Variants in SYNE3 observed in about 807,000 individuals in gnomAD.
SYNE3 encodes spectrin repeat containing nuclear envelope family member 3, also known as nesprin-3.
A neutral mutation model predicts 111.2 loss-of-function variants in SYNE3; 100 were observed. The ratio of observed to expected loss-of-function variants is 0.90; its 90% confidence interval spans 0.77 to 1.06. The LOEUF (loss-of-function observed/expected upper bound fraction) is 1.06. Ranked by LOEUF, SYNE3 falls within the 50% of genes least tolerant of loss-of-function variation. The probability of loss-of-function intolerance (pLI) is 0.00; values close to 1 mark genes in which losing one functional copy is unlikely to be tolerated. For synonymous variants in SYNE3, 547 were observed against 533.9 expected (o/e 1.02, Z -0.34); for missense variants, 1,160 against 1,240.3 (o/e 0.94, Z 0.97).
intron 16 of SYNE3, among the ~76,000 whole-genome samples, 200 bp from the exon 17 acceptor site, chr14:95,432,317 A>T (rs890310975): frequency 6.6e-6 from 1 of 152,188 alleles, no homozygotes; most frequent in African/African-American, 2.4e-5. Context: ...CCCAGCTGGG[A>T]TTCTGTCTGG....
At chr14:95,468,868 C>T (rs1888351721) in intron 2 of SYNE3, among the ~76,000 whole-genome samples, 1 of 152,154 alleles carries the variant, frequency 6.6e-6, no homozygotes, top group South Asian at 2.1e-4. Context: ...ATTGCTGTTA[C>T]TATTGCAGTT....
intron 1 of SYNE3, among the ~76,000 whole-genome samples, chr14:95,508,727 C>A (rs1167282978): frequency 6.6e-6 from 1 of 151,924 alleles, no homozygotes; most frequent in Non-Finnish European, 1.5e-5. Context: ...GATGTGAGTC[C>A]CAGGGACGCC....
chr14:95,468,366 T>C (rs1028119788), intron 2 of SYNE3, among the ~76,000 whole-genome samples: 1 of 152,224 alleles, frequency 6.6e-6, no homozygotes, highest in African/African-American at 2.4e-5. Flanking sequence ...GGTACATGTT[T>C]CAGTGTGCAG....
intron 1 of SYNE3, among the ~76,000 whole-genome samples, chr14:95,515,010 T>C (rs981143582): frequency 3.9e-5 from 6 of 152,214 alleles, no homozygotes; most frequent in Non-Finnish European, 7.3e-5. Flanking sequence ...CAACTCACTC[T>C]GAAGTGTACC....
intron 1 of SYNE3, among the ~76,000 whole-genome samples, chr14:95,504,812 C>G (rs544954665): frequency 2.8e-5 from 4 of 143,838 alleles, no homozygotes; most frequent in Non-Finnish European, 4.5e-5. Context: ...AAGACTCCAC[C>G]TCTATCTAAA....
chr14:95,422,715 G>A lies in SYNE3; in HGVS notation c.2728-4689C>T, dbSNP rs562291669. Among the ~76,000 whole-genome samples the A allele has an allele frequency of 1.1e-4, 16 of 152,318 alleles. No individual in the cohort carries two copies. The South Asian group carries it at 2.5e-3, about 24-fold the overall frequency. On this transcript the variant is annotated intron_variant, in intron 17 of 17. Coordinates refer to ENST00000682763, the MANE Select transcript of SYNE3 (RefSeq NM_152592.6). ...GTGGGACGGTGGGAGGAGGCCCACTGAGCCAGCTGCTCTCTGGCATGGAGG... is the reference window on the plus strand; with the variant it reads ...GTGGGACGGTGGGAGGAGGCCCACTAAGCCAGCTGCTCTCTGGCATGGAGG...
At chr14:95,482,474 A>C (rs1413187486) in intron 1 of SYNE3, among the ~76,000 whole-genome samples, 1 of 152,164 alleles carries the variant, frequency 6.6e-6, no homozygotes, top group Non-Finnish European at 1.5e-5. Context: ...ATTTGAAAAC[A>C]CTAATTCTTG....
At chr14:95,481,587 A>G (rs2144813) in intron 1 of SYNE3, among the ~76,000 whole-genome samples, 76,233 of 152,054 alleles carry the variant, frequency 0.5, 19,377 homozygotes, top group African/African-American at 0.59. Flanking sequence ...CTGTCAGAGA[A>G]ACCCCCAGCC....
intron 1 of SYNE3, among the ~76,000 whole-genome samples, chr14:95,506,704 T>C (rs555883159): frequency 6.6e-6 from 1 of 152,272 alleles, no homozygotes; most frequent in African/African-American, 2.4e-5. Flanking sequence ...GGGAATCCAT[T>C]GGAACGGGCG....
rs929364034 is a variant in SYNE3 at position 95,409,148 on chromosome 14, T to C, written c.*8678A>G. ...CAACTGAGGCCCAGGGAACATTCCA[T>C]AGAGTGGAGCACTGGGCTCGGAGCC... On this transcript the variant is annotated 3_prime_UTR_variant, in exon 18 of 18. Coordinates refer to ENST00000682763, the MANE Select transcript of SYNE3 (RefSeq NM_152592.6). The C allele has an allele frequency of 2.4e-5, 11 of 456,588 alleles. No individual in the cohort carries two copies. The highest frequency in any genetic ancestry group is 2.1e-4 in the East Asian group (3 of 14,406). 28.3% of individuals were successfully genotyped at this position (456,588 alleles called of 1,614,324 possible).
intron 4 of SYNE3, 67 bp downstream of exon 4, chr14:95,465,864 A>C: frequency 6.8e-7 from 1 of 1,471,872 alleles, no homozygotes; most frequent in Non-Finnish European, 9.1e-7. Flanking sequence ...AGTGGCTGGA[A>C]TGGGTAGATA....
intron 16 of SYNE3, among the ~76,000 whole-genome samples, chr14:95,433,008 A>G (rs1350279971): frequency 6.6e-6 from 1 of 152,124 alleles, no homozygotes; most frequent in Admixed American, 6.5e-5. Flanking sequence ...CACTCCTTAC[A>G]CATTAATTAT....
rs1595213834 is a variant in SYNE3, at chr14:95,457,300, A to G, written c.666T>C (p.His222=). 2 of 1,606,022 alleles carry G rather than the reference A, an allele frequency of 1.2e-6. No homozygotes were observed. ...VDLLEQVARE[H]EEYQAGVDEF... The stretch of plus-strand genomic sequence containing the variant: ...CGTCCACACCTGCCTGGTACTCCTC[A>G]TGCTCCCGGGCCACCTGCTCCAGCA... The change falls in exon 5 of 18, where the codon CAT becomes CAC. Residue 222 remains histidine (H), a synonymous_variant. Transcript: ENST00000682763.
chr14:95,499,598 C>T (rs1040616657), intron 1 of SYNE3, among the ~76,000 whole-genome samples: 1 of 152,172 alleles, frequency 6.6e-6, no homozygotes, highest in Non-Finnish European at 1.5e-5. Context: ...TATTTGTACA[C>T]ATCAGCTCAT....
At chr14:95,433,927 A>G (rs1595184982) in intron 15 of SYNE3, among the ~76,000 whole-genome samples, 1 of 152,004 alleles carries the variant, frequency 6.6e-6, no homozygotes, top group East Asian at 1.9e-4. Flanking sequence ...CTGGCTTTGG[A>G]TCCTGGCTCT....
At chr14:95,444,753 C>G in intron 9 of SYNE3, 125 bp from the exon 10 acceptor site, 1 of 1,246,296 alleles carries the variant, frequency 8.0e-7, no homozygotes, top group South Asian at 1.7e-5. Flanking sequence ...AGGCGCCACC[C>G]CCTCCAGGAA....
rs865805492 is a variant in SYNE3 at position 95,409,126 on chromosome 14, C to G, written c.*8700G>C. ...CGGCCTGCAAAGGAAAGGAAAGCAA[C>G]TGAGGCCCAGGGAACATTCCATAGA... On this transcript the variant is annotated 3_prime_UTR_variant, in exon 18 of 18. Coordinates refer to ENST00000682763, the MANE Select transcript of SYNE3 (RefSeq NM_152592.6). The G allele has an allele frequency of 2.2e-6, 1 of 456,076 alleles. No individual in the cohort carries two copies. The highest frequency in any genetic ancestry group is 1.5e-5 in the South Asian group (1 of 64,556). 28.3% of individuals were successfully genotyped at this position (456,076 alleles called of 1,614,324 possible). A position where few individuals can be genotyped will look rare whatever the true frequency, so the allele number is the denominator to read the frequency against.
chr14:95,422,450 A>C (rs967675589), intron 17 of SYNE3, among the ~76,000 whole-genome samples: 3 of 152,178 alleles, frequency 2.0e-5, no homozygotes, highest in Admixed American at 1.3e-4. Context: ...GTCACTCCAG[A>C]GCCCAGGCTC....
chr14:95,465,592 G>A (rs895318601), intron 4 of SYNE3, among the ~76,000 whole-genome samples: 1 of 152,158 alleles, frequency 6.6e-6, no homozygotes, highest in African/African-American at 2.4e-5. Context: ...AGATTGATCA[G>A]GCTGGTGGGG....
Sources: allele counts gnomAD v4.1 joint callset (sites outside exome capture counted in the v4.1 genomes callset), GRCh38; gene constraint gnomAD v4.1.1; transcripts MANE v1.5; gene names NCBI Gene and HGNC (gene_info 2026-07-23, HGNC 2026-07-21).